Variants in EMB observed in about 807,000 individuals in gnomAD.
EMB encodes the protein embigin, also known as embigin homolog.
A neutral mutation model predicts 41.4 loss-of-function variants in EMB; 31 were observed. The ratio of observed to expected loss-of-function variants is 0.75; its 90% CI spans 0.56 to 1.01. The LOEUF (loss-of-function observed/expected upper bound fraction) is 1.01, where lower values mean the gene tolerates loss of function less well. EMB is among the 50% of genes least tolerant of loss of function. The pLI is 0.00. For missense variants in EMB, 379 were observed against 388.3 expected, an observed-to-expected ratio of 0.98 and a Z score of 0.20; for synonymous variants, 137 against 140.4, an observed-to-expected ratio of 0.98 and a Z score of 0.17.
In EMB at chr5:50,441,041, TG is replaced by T. The variant is rs2111885002; in HGVS notation, c.110del (p.Pro37GlnfsTer14). On this transcript the variant is annotated frameshift_variant and splice_region_variant, in exon 1 of 9. Transcript: ENST00000303221. LOFTEE classifies it high-confidence loss of function. ...ARPSSADGSA[P>X]DSPFTSPPLR... ...CCCTGGACCCTGTACCCATCACACCTGGGGCACTGCCGTCCGCCGAGCTTGG... is the reference window on the plus strand; with the variant it reads ...CCCTGGACCCTGTACCCATCACACCTGGGCACTGCCGTCCGCCGAGCTTGG... 2 of 1,501,604 alleles carry T rather than the reference TG, an allele frequency of 1.3e-6. No homozygotes were observed. Among genetic ancestry groups the T allele is most frequent in the East Asian group, 2.7e-5 (1 of 37,458 alleles). The allele number at this position is 1,501,604 out of a possible 1,614,324, so 93.0% of individuals were successfully genotyped here. A position where few individuals can be genotyped will look rare whatever the true frequency, so the allele number is the denominator to read the frequency against.
intron 2 of EMB, among the ~76,000 whole-genome samples, chr5:50,415,726 T>A (rs2111810220): frequency 6.6e-6 from 1 of 152,306 alleles, no homozygotes; most frequent in East Asian, 1.9e-4. Flanking sequence ...GAGTCCAGAC[T>A]GTGATAACCA....
chr5:50,415,428 T>C (rs1333206606), intron 2 of EMB, among the ~76,000 whole-genome samples: 3 of 152,178 alleles, frequency 2.0e-5, no homozygotes, highest in African/African-American at 7.2e-5. Context: ...TTCCATGAGA[T>C]TGTAAAAAGT....
At chr5:50,430,859 A>C (rs1250042492) in intron 1 of EMB, among the ~76,000 whole-genome samples, 2 of 152,170 alleles carry the variant, frequency 1.3e-5, no homozygotes, top group African/African-American at 4.8e-5. Flanking sequence ...AGGACTTGTC[A>C]TGGATGGGCT....
chr5:50,436,338 T>C (rs1320611042), intron 1 of EMB, among the ~76,000 whole-genome samples: 1 of 152,200 alleles, frequency 6.6e-6, no homozygotes, highest in East Asian at 1.9e-4. Context: ...CAGGGTTCAT[T>C]CTACTTTTTC....
chr5:50,417,242 A>G (rs1396480972), intron 2 of EMB, among the ~76,000 whole-genome samples: 17 of 152,350 alleles, frequency 1.1e-4, no homozygotes, highest in Middle Eastern at 3.4e-3. Flanking sequence ...AGAAGGCCAC[A>G]CTAACATGAG....
chr5:50,413,348 G>C (rs1056795730), intron 2 of EMB, among the ~76,000 whole-genome samples: 1 of 152,096 alleles, frequency 6.6e-6, no homozygotes, highest in Non-Finnish European at 1.5e-5. Flanking sequence ...TTCAAAAACA[G>C]AATTATGTCT....
intron 1 of EMB, among the ~76,000 whole-genome samples, chr5:50,438,913 T>C (rs1745850206): frequency 6.6e-6 from 1 of 151,896 alleles, no homozygotes; most frequent in African/African-American, 2.4e-5. Context: ...CTTTTTTTTT[T>C]TTTTTCCTTT....
rs529042755 is a variant in EMB at position 50,405,564 on chromosome 5, ACT to A, written c.600+159_600+160del. On this transcript the variant is annotated intron_variant, in intron 5 of 8. Transcript: ENST00000303221. ...ACATGCCAAAAACCATCAAATGACA[ACT>A]CTGTTTGTCACTGCTCTTTCTTTAT... Among the ~76,000 whole-genome samples, 14 of 151,962 alleles carry A rather than the reference ACT, an allele frequency of 9.2e-5. No homozygotes were observed. The East Asian group carries it at 2.3e-3, about 25-fold the overall frequency.
At chr5:50,404,077 G>C (rs73752709) in intron 5 of EMB, among the ~76,000 whole-genome samples, 1 of 151,958 alleles carries the variant, frequency 6.6e-6, no homozygotes, top group African/African-American at 2.4e-5. Flanking sequence ...TCTAAGATTT[G>C]CTGGGTTTTC....
intron 1 of EMB, among the ~76,000 whole-genome samples, chr5:50,438,874 C>T (rs1745849059): frequency 6.6e-6 from 1 of 151,004 alleles, no homozygotes; most frequent in South Asian, 2.1e-4. Flanking sequence ...TTTACACCTT[C>T]ATTTATTCCA....
At chr5:50,429,846 C>T (rs1410595308) in intron 1 of EMB, among the ~76,000 whole-genome samples, 2 of 151,912 alleles carry the variant, frequency 1.3e-5, no homozygotes, top group Admixed American at 1.3e-4. Flanking sequence ...TTAATTCATT[C>T]ACTCATTCAT....
Position 50,435,821 on chromosome 5 carries a change from T to C in EMB, c.112+5219A>G, listed in dbSNP as rs145755634. ...TGGTACTCATGAATCCCCATATTAT[T>C]AAATGGGTTACAATCCACTAATATT... On this transcript the variant is annotated intron_variant, in intron 1 of 8. Transcript: ENST00000303221. Among the ~76,000 whole-genome samples the C allele has an allele frequency of 1.5e-4, 23 of 152,286 alleles. No homozygotes were observed. In the East Asian group the frequency reaches 4.4e-3, roughly 29 times the overall value.
At chr5:50,440,304 C>T (rs1201643611) in intron 1 of EMB, among the ~76,000 whole-genome samples, 2 of 151,996 alleles carry the variant, frequency 1.3e-5, no homozygotes, top group African/African-American at 2.4e-5. Context: ...GAGGCCGAAG[C>T]GGGCGGATCA....
rs1745719155 is a variant in EMB, at chr5:50,431,453, C to T, written c.113-3226G>A. Among the ~76,000 whole-genome samples the T allele has an allele frequency of 2.0e-5, 3 of 152,144 alleles. No individual in the cohort carries two copies. The South Asian group carries it at 6.2e-4, about 32-fold the overall frequency. ...AGGCAGATGTGGTTTGAATACTTCC[C>T]TAAAAGGATTAGGCTGAGTCACAAA... On this transcript the variant is annotated intron_variant, in intron 1 of 8. Transcript: ENST00000303221.
intron 2 of EMB, among the ~76,000 whole-genome samples, chr5:50,415,020 C>T (rs550842821): frequency 6.6e-6 from 1 of 152,218 alleles, no homozygotes; most frequent in South Asian, 2.1e-4. Flanking sequence ...TATTTTACAG[C>T]TCCAGGTGTC....
intron 2 of EMB, among the ~76,000 whole-genome samples, chr5:50,420,946 C>G (rs1745511060): frequency 6.6e-6 from 1 of 151,956 alleles, no homozygotes; most frequent in Non-Finnish European, 1.5e-5. Context: ...CATCCATTGG[C>G]CAAAACAAAT....
rs1224616554 is a variant in EMB at position 50,421,898 on chromosome 5, G to T, written c.196+6246C>A. On this transcript the variant is annotated intron_variant, in intron 2 of 8. Coordinates refer to ENST00000303221, the MANE Select transcript of EMB (RefSeq NM_198449.3). ...CATCACACACCGGGGCCCGTTGTGG[G>T]GTGGGGGGAGGGGGGAGGGATAGCA... Among the ~76,000 whole-genome samples the T allele has an allele frequency of 2.4e-5, 3 of 127,380 alleles. No homozygotes were observed. The East Asian group carries it at 7.8e-4, about 33-fold the overall frequency. The allele number at this position is 127,380 out of a possible 152,430, so 83.6% of individuals were successfully genotyped here.
rs541529467 is a variant in EMB, at chr5:50,404,979, C to T, written c.600+746G>A. Among the ~76,000 whole-genome samples the T allele has an allele frequency of 3.2e-4, 49 of 152,044 alleles. No homozygotes were observed. The South Asian group carries it at 9.8e-3, about 30-fold the overall frequency. ...TCACATGTTCCTTCTACAATTATAG[C>T]TTGCCTTTAACGGGACTTTAATTGT... On this transcript the variant is annotated intron_variant, in intron 5 of 8. Transcript: ENST00000303221.
chr5:50,425,436 C>T (rs1745593645), intron 2 of EMB, among the ~76,000 whole-genome samples: 1 of 151,984 alleles, frequency 6.6e-6, no homozygotes, highest in Non-Finnish European at 1.5e-5. Context: ...ATTTTTATTT[C>T]AATCTCTTCT....
Sources: allele counts gnomAD v4.1 joint callset (sites outside exome capture counted in the v4.1 genomes callset), GRCh38; gene constraint gnomAD v4.1.1; transcripts MANE v1.5; gene names NCBI Gene and HGNC (gene_info 2026-07-23, HGNC 2026-07-21).